Variants in NME7 observed in about 807,000 individuals in gnomAD.
NME7 encodes the protein nucleoside diphosphate kinase 7.
In NME7, 41 loss-of-function variants were observed where a neutral mutation model predicts 49.1. The observed-to-expected ratio is 0.83, with a 90% CI of 0.65 to 1.08. The LOEUF (loss-of-function observed/expected upper bound fraction) is 1.08. Among genes scored for constraint, NME7 ranks in the 50% least tolerant of loss-of-function variants. The pLI, the probability that NME7 is intolerant of heterozygous loss-of-function variation, is 0.00. For synonymous variants in NME7, 139 were observed against 150.6 expected (o/e 0.92, Z 0.56); for missense variants, 423 against 463.4 (o/e 0.91, Z 0.80).
intron 1 of NME7, among the ~76,000 whole-genome samples, chr1:169,362,446 T>C (rs562829496): frequency 6.6e-6 from 1 of 152,318 alleles, no homozygotes; most frequent in East Asian, 1.9e-4. Flanking sequence ...GTAAAAGAAA[T>C]TGATGAGTCC....
rs1650824077 is a variant in NME7 at position 169,298,977 on chromosome 1, TG to T, written c.441-215del. Among the ~76,000 whole-genome samples, 3 of 152,178 alleles carry T rather than the reference TG, an allele frequency of 2.0e-5. No individual in the cohort carries two copies. In the South Asian group the frequency reaches 6.2e-4, roughly 31 times the overall value. On this transcript the variant is annotated intron_variant, in intron 5 of 11. Transcript: ENST00000367811. The stretch of plus-strand genomic sequence containing the variant: ...TCAATTCACTTCAAATCACTAGTAA[TG>T]TCAAATTACTGTTACCAGAAAAATC...
chr1:169,344,399 C>A (rs570913004), intron 1 of NME7, among the ~76,000 whole-genome samples: 2 of 152,234 alleles, frequency 1.3e-5, no homozygotes, highest in South Asian at 4.1e-4. Context: ...ACTGTACCAG[C>A]TAGAACTTCC....
chr1:169,145,854 A>G (rs1010424785), intron 11 of NME7, among the ~76,000 whole-genome samples: 1 of 152,238 alleles, frequency 6.6e-6, no homozygotes, highest in Non-Finnish European at 1.5e-5. Context: ...GCATACCACA[A>G]GAGATGTGAG....
rs1454949268 is a variant in NME7, at chr1:169,303,136, A to G, written c.440+9T>C. ...TTACATACCACTAATCCCCAAATTA[A>G]GGACCTACTTGAAAAAGGGTCTTGA... On this transcript the variant is annotated intron_variant, in intron 5 of 11. Coordinates refer to ENST00000367811, the MANE Select transcript of NME7 (RefSeq NM_013330.5). 6.4e-7 allele frequency: 1 copy of G among 1,555,752 alleles called. No homozygotes were observed. The highest frequency in any genetic ancestry group is 1.4e-5 in the African/African-American group (1 of 72,618).
chr1:169,306,641 T>C (rs1651182917), intron 4 of NME7, among the ~76,000 whole-genome samples: 3 of 152,286 alleles, frequency 2.0e-5, no homozygotes, highest in South Asian at 4.1e-4. Context: ...AGGCTGAAGA[T>C]GTATTTGGAA....
intron 10 of NME7, among the ~76,000 whole-genome samples, chr1:169,222,201 A>G (rs1179954259): frequency 2.0e-5 from 3 of 152,020 alleles, no homozygotes; most frequent in East Asian, 3.9e-4. Context: ...TATGTATTCT[A>G]TTTTTTATTT....
At chr1:169,211,370 C>T (rs1571294808) in intron 10 of NME7, among the ~76,000 whole-genome samples, 1 of 152,030 alleles carries the variant, frequency 6.6e-6, no homozygotes, top group East Asian at 1.9e-4. Flanking sequence ...TGCCTTTAAT[C>T]CAATCAGTTA....
intron 11 of NME7, among the ~76,000 whole-genome samples, chr1:169,162,995 C>T (rs1267001612): frequency 1.3e-5 from 2 of 152,012 alleles, no homozygotes; most frequent in Admixed American, 1.3e-4. Context: ...TGGTTGTTCC[C>T]GTAAGAGAAA....
chr1:169,161,844 C>G, intron 11 of NME7, among the ~76,000 whole-genome samples: 1 of 152,304 alleles, frequency 6.6e-6, no homozygotes, highest in South Asian at 2.1e-4. Context: ...GACCTAGGTT[C>G]TATAATGCTT....
chr1:169,367,572 C>T (rs969219111), intron 1 of NME7, 136 bp downstream of exon 1: 5 of 939,104 alleles, frequency 5.3e-6, no homozygotes, highest in East Asian at 4.8e-5. Flanking sequence ...AGGAACAGCC[C>T]GTGGGAAGGG....
intron 10 of NME7, among the ~76,000 whole-genome samples, chr1:169,221,884 C>A (rs1446356383): frequency 6.6e-6 from 1 of 151,744 alleles, no homozygotes; most frequent in Non-Finnish European, 1.5e-5. Flanking sequence ...TACCTTGTTG[C>A]CCAGTCTGGT....
intron 3 of NME7, among the ~76,000 whole-genome samples, chr1:169,318,182 G>C (rs1651725274): frequency 6.6e-6 from 1 of 152,190 alleles, no homozygotes; most frequent in South Asian, 2.1e-4. Flanking sequence ...TTCCAGATCA[G>C]TGTAAGGGAT....
intron 1 of NME7, among the ~76,000 whole-genome samples, chr1:169,363,476 C>G (rs1653735212): frequency 6.6e-6 from 1 of 152,200 alleles, no homozygotes; most frequent in Admixed American, 6.5e-5. Context: ...TTAATGCTGG[C>G]TACATACCAC....
chr1:169,132,856 A>AT (rs1658277783), intron 11 of NME7, 39 bp from the exon 12 acceptor site: 1 of 1,607,298 alleles, frequency 6.2e-7, no homozygotes, highest in Non-Finnish European at 8.5e-7. Context: ...GTTCAGACAA[A>AT]TTTTGGTCTT....
chr1:169,248,089 C>T (rs1295765410), intron 7 of NME7, among the ~76,000 whole-genome samples: 1 of 152,174 alleles, frequency 6.6e-6, no homozygotes, highest in African/African-American at 2.4e-5. Context: ...TACTAATTTA[C>T]ATTCCTACCA....
chr1:169,249,401 T>C (rs1308729424), intron 7 of NME7, among the ~76,000 whole-genome samples: 1 of 152,126 alleles, frequency 6.6e-6, no homozygotes, highest in African/African-American at 2.4e-5. Context: ...TAGGGTTTTC[T>C]AGGTATACAG....
intron 6 of NME7, among the ~76,000 whole-genome samples, chr1:169,295,897 A>G (rs955125581): frequency 6.6e-6 from 1 of 152,166 alleles, no homozygotes; most frequent in Non-Finnish European, 1.5e-5. Flanking sequence ...AAGAATCAGC[A>G]TCTGTGTTCA....
At chr1:169,251,052 G>C (rs1263406301) in intron 7 of NME7, among the ~76,000 whole-genome samples, 1 of 151,946 alleles carries the variant, frequency 6.6e-6, no homozygotes. Flanking sequence ...TTGATGATCT[G>C]TCTAGTGTTG....
At chr1:169,156,165 T>C (rs1458939527) in intron 11 of NME7, among the ~76,000 whole-genome samples, 3 of 85,778 alleles carry the variant, frequency 3.5e-5, no homozygotes, top group Non-Finnish European at 5.2e-5. Flanking sequence ...AAAAAAAAAT[T>C]AGTGGGGCAT....
Sources: gnomAD v4.1 joint callset for allele counts (sites outside exome capture counted in the v4.1 genomes callset) on GRCh38, gnomAD v4.1.1 for gene constraint, MANE v1.5 for transcripts, NCBI Gene and HGNC (gene_info 2026-07-23, HGNC 2026-07-21) for gene names.